CCSER1: variants seen among roughly 807,000 people sequenced by gnomAD.
CCSER1 encodes coiled-coil serine rich protein 1, also known as serine-rich coiled-coil domain-containing protein 1.
In CCSER1, 41 loss-of-function variants were observed where a neutral mutation model predicts 82.0. The observed-to-expected ratio is 0.50, with a 90% CI of 0.39 to 0.65. The LOEUF is 0.65. Among genes scored for constraint, CCSER1 ranks in the 30% least tolerant of loss-of-function variants. CCSER1 has a pLI of 0.00. For synonymous variants in CCSER1, 414 were observed against 383.9 expected, an observed-to-expected ratio of 1.08 and a Z score of -0.92; for missense variants, 1,119 against 1,064.2, an observed-to-expected ratio of 1.05 and a Z score of -0.72.
intron 10 of CCSER1, among the ~76,000 whole-genome samples, chr4:91,136,143 C>T (rs564251500): frequency 6.6e-6 from 1 of 152,284 alleles, no homozygotes; most frequent in South Asian, 2.1e-4. Context: ...TGTCCCTGAA[C>T]CTTCCAGTCC....
intron 10 of CCSER1, among the ~76,000 whole-genome samples, chr4:91,332,848 A>G (rs1191540053): frequency 1.3e-5 from 2 of 151,990 alleles, no homozygotes; most frequent in Non-Finnish European, 2.9e-5. Context: ...TTTTCCCTGT[A>G]AAGTTTTAAA....
chr4:90,754,192 C>T (rs1480688024), intron 7 of CCSER1, among the ~76,000 whole-genome samples: 1 of 152,164 alleles, frequency 6.6e-6, no homozygotes, highest in Non-Finnish European at 1.5e-5. Flanking sequence ...GGAAGCTTAG[C>T]ATGGGCAGGG....
At chr4:90,915,131 T>C (rs892311309) in intron 8 of CCSER1, among the ~76,000 whole-genome samples, 8 of 152,038 alleles carry the variant, frequency 5.3e-5, no homozygotes, top group Admixed American at 3.9e-4. Context: ...TTCCAATCAA[T>C]AGAAAAAGAG....
intron 4 of CCSER1, among the ~76,000 whole-genome samples, chr4:90,435,502 C>A (rs1353786073): frequency 6.6e-6 from 1 of 152,052 alleles, no homozygotes; most frequent in East Asian, 1.9e-4. Context: ...TTGATAAATT[C>A]TGTGGAATGT....
At chr4:90,447,271 T>G (rs1760785346) in intron 4 of CCSER1, among the ~76,000 whole-genome samples, 1 of 151,982 alleles carries the variant, frequency 6.6e-6, no homozygotes, top group African/African-American at 2.4e-5. Context: ...CACCAGAGTG[T>G]AAATATGTAG....
intron 6 of CCSER1, 29 bp downstream of exon 6, chr4:90,628,261 T>G: frequency 1.3e-6 from 2 of 1,561,652 alleles, no homozygotes; most frequent in Non-Finnish European, 1.8e-6. Context: ...ATTAATGTCC[T>G]TCAGTGCTGG....
intron 10 of CCSER1, among the ~76,000 whole-genome samples, chr4:91,188,007 CTTAGTATAT>C (rs1268832204): frequency 1.3e-5 from 2 of 151,762 alleles, no homozygotes; most frequent in African/African-American, 4.8e-5. Context: ...GCAGAATTAT[CTTAGTATAT>C]TTACAGCAGT....
At chr4:91,450,714 T>C (rs926975082) in intron 10 of CCSER1, among the ~76,000 whole-genome samples, 2 of 151,794 alleles carry the variant, frequency 1.3e-5, no homozygotes, top group Non-Finnish European at 2.9e-5. Flanking sequence ...GATGAGAGAA[T>C]TGCACAAGAG....
At chr4:90,644,757 T>A (rs529707632) in intron 6 of CCSER1, among the ~76,000 whole-genome samples, 4 of 151,898 alleles carry the variant, frequency 2.6e-5, no homozygotes, top group Non-Finnish European at 4.4e-5. Context: ...CTGAGGATAA[T>A]GGCTTCCAGC....
intron 5 of CCSER1, among the ~76,000 whole-genome samples, chr4:90,594,482 C>A (rs1488995609): frequency 6.6e-6 from 1 of 152,050 alleles, no homozygotes; most frequent in Non-Finnish European, 1.5e-5. Flanking sequence ...TAAGTATGGA[C>A]AGGGTTAATA....
chr4:91,200,622 AT>A (rs966102423), intron 10 of CCSER1, among the ~76,000 whole-genome samples: 1 of 152,012 alleles, frequency 6.6e-6, no homozygotes, highest in Non-Finnish European at 1.5e-5. Context: ...AGAAAAGTTT[AT>A]TTTTTGCAAT....
chr4:90,904,907 G>T, intron 8 of CCSER1, among the ~76,000 whole-genome samples: 2 of 151,582 alleles, frequency 1.3e-5, no homozygotes, highest in East Asian at 1.9e-4. Flanking sequence ...CTTCTTCTTC[G>T]CCCATTCATC....
intron 10 of CCSER1, among the ~76,000 whole-genome samples, chr4:91,561,738 T>C (rs979218675): frequency 2.0e-5 from 3 of 151,434 alleles, no homozygotes; most frequent in African/African-American, 7.3e-5. Flanking sequence ...CAAAAATGGA[T>C]TTAAACTCTT....
In CCSER1 at chr4:91,604,375, T is replaced by C. The variant is rs1180447857; in HGVS notation, c.*5318T>C. On this transcript the variant is annotated 3_prime_UTR_variant, in exon 11 of 11. Transcript: ENST00000509176. Reference sequence around the variant, plus strand: ...TTTTAGGAAATCAAAATACTGTTCATTGAAAAGCAGTTTTAAAACAATTAT... The same window carrying C: ...TTTTAGGAAATCAAAATACTGTTCACTGAAAAGCAGTTTTAAAACAATTAT... 1.3e-5 allele frequency: 2 copies of C among 152,096 alleles called. No homozygotes were observed. The highest frequency in any genetic ancestry group is 4.8e-5 in the African/African-American group (2 of 41,448). 9.4% of individuals were successfully genotyped at this position (152,096 alleles called of 1,614,324 possible). A position where few individuals can be genotyped will look rare whatever the true frequency, so the allele number is the denominator to read the frequency against.
intron 9 of CCSER1, among the ~76,000 whole-genome samples, chr4:90,956,835 GATCAC>G (rs1396540378): frequency 6.8e-6 from 1 of 147,510 alleles, no homozygotes; most frequent in Non-Finnish European, 1.5e-5. Context: ...GCAGTGGCCT[GATCAC>G]AGTTCACTGA....
intron 6 of CCSER1, among the ~76,000 whole-genome samples, chr4:90,705,786 T>C (rs952086794): frequency 6.6e-6 from 1 of 152,190 alleles, no homozygotes; most frequent in African/African-American, 2.4e-5. Context: ...GCTCAGAATA[T>C]AATCTCCTGG....
intron 10 of CCSER1, among the ~76,000 whole-genome samples, chr4:91,509,306 T>C (rs1034984538): frequency 3.9e-5 from 6 of 152,108 alleles, no homozygotes; most frequent in African/African-American, 1.4e-4. Flanking sequence ...TTTAGATTAA[T>C]CTCAAACTGC....
At chr4:91,302,982 G>A (rs34470538) in intron 10 of CCSER1, among the ~76,000 whole-genome samples, 9,372 of 152,012 alleles carry the variant, frequency 0.062, 364 homozygotes, top group Non-Finnish European at 0.082. Flanking sequence ...ACTCATCACC[G>A]TATATTCAAT....
intron 10 of CCSER1, among the ~76,000 whole-genome samples, chr4:91,485,593 G>T (rs1758172018): frequency 6.6e-6 from 1 of 152,172 alleles, no homozygotes; most frequent in African/African-American, 2.4e-5. Context: ...CCTACAAATA[G>T]AACTGCAATC....
Sources: allele counts gnomAD v4.1 joint callset (sites outside exome capture counted in the v4.1 genomes callset), GRCh38; gene constraint gnomAD v4.1.1; transcripts MANE v1.5; gene names NCBI Gene and HGNC (gene_info 2026-07-23, HGNC 2026-07-21).